Variants in EDA observed in about 807,000 individuals in gnomAD.
EDA encodes the protein ectodysplasin A.
A neutral mutation model predicts 23.6 loss-of-function variants in EDA; 2 were observed. The observed-to-expected ratio is 0.08, with a 90% CI of 0.03 to 0.27. EDA has a LOEUF of 0.27. Ranked by LOEUF, EDA falls within the 10% of genes least tolerant of loss-of-function variation. EDA has a pLI of 1.00. For synonymous variants in EDA, 131 were observed against 132.0 expected (o/e 0.99, Z 0.05); for missense variants, 229 against 324.2 (o/e 0.71, Z 2.26).
intron 1 of EDA, among the ~76,000 whole-genome samples, chrX:69,911,553 T>C (rs2018266535): frequency 8.9e-6 from 1 of 111,951 alleles, no homozygotes; most frequent in Non-Finnish European, 1.9e-5. Context: ...CTTTTTCTTT[T>C]ATCCAGAGTT....
chrX:69,873,868 C>T (rs1470529615), intron 1 of EDA, among the ~76,000 whole-genome samples: 1 of 111,832 alleles, frequency 8.9e-6, no homozygotes, highest in East Asian at 2.8e-4. Flanking sequence ...CAGCAAAGGA[C>T]ATAACAAAAC....
chrX:69,786,130 A>G (rs879213710), intron 1 of EDA, among the ~76,000 whole-genome samples: 5 of 109,910 alleles, frequency 4.5e-5, no homozygotes, highest in African/African-American at 1.3e-4. Context: ...CTGTGGGATC[A>G]GTGGTGATAT....
intron 1 of EDA, among the ~76,000 whole-genome samples, chrX:69,792,712 G>A (rs1020592739): frequency 5.4e-5 from 6 of 111,894 alleles, no homozygotes; most frequent in Admixed American, 9.5e-5. Flanking sequence ...TGCATTTCCC[G>A]GATAATTAGT....
chrX:70,029,883 C>T (rs1052554008), intron 5 of EDA, among the ~76,000 whole-genome samples: 10 of 112,321 alleles, frequency 8.9e-5, no homozygotes, highest in African/African-American at 1.3e-4. Flanking sequence ...GACACCTTGC[C>T]GGCTCTCAGA....
At chrX:69,790,138 A>G (rs951891025) in intron 1 of EDA, among the ~76,000 whole-genome samples, 1 of 111,724 alleles carries the variant, frequency 9.0e-6, no homozygotes, top group Non-Finnish European at 1.9e-5. Context: ...GAATGAAAAT[A>G]TATAAAGGAA....
chrX:69,712,431 A>T (rs1006759910), intron 1 of EDA, among the ~76,000 whole-genome samples: 1 of 111,900 alleles, frequency 8.9e-6, no homozygotes, highest in Admixed American at 9.5e-5. Flanking sequence ...AAAAGAAGAC[A>T]TTTATGCAGC....
intron 1 of EDA, among the ~76,000 whole-genome samples, chrX:69,804,013 G>A (rs2015757123): frequency 9.0e-6 from 1 of 110,679 alleles, no homozygotes; most frequent in African/African-American, 3.3e-5. Flanking sequence ...TGGATGAGTA[G>A]TATTCCATTG....
chrX:69,896,346 C>A lies in EDA; in HGVS notation c.397-60681C>A, dbSNP rs761660602. On this transcript the variant is annotated intron_variant, in intron 1 of 7. Transcript: ENST00000374552. ...GACATCTTGGTCTGCCAGTTGGCTTCTTTTTCAATGGCTGTATACTGGGAT... is the reference window on the plus strand; with the variant it reads ...GACATCTTGGTCTGCCAGTTGGCTTATTTTTCAATGGCTGTATACTGGGAT... Among the ~76,000 whole-genome samples, 3 of 109,579 alleles carry A rather than the reference C, an allele frequency of 2.7e-5. No individual in the cohort carries two copies. In the East Asian group the frequency reaches 8.7e-4, roughly 32 times the overall value.
chrX:69,955,865 G>A (rs2018992735), intron 1 of EDA, among the ~76,000 whole-genome samples: 1 of 111,750 alleles, frequency 8.9e-6, no homozygotes, highest in African/African-American at 3.3e-5. Context: ...TCCTACTACC[G>A]TGTTTACTGT....
intron 1 of EDA, among the ~76,000 whole-genome samples, chrX:69,624,947 A>G (rs1360346840): frequency 1.8e-5 from 2 of 110,953 alleles, no homozygotes; most frequent in Non-Finnish European, 3.8e-5. Flanking sequence ...CTTCAAACAT[A>G]TATCATTTAT....
chrX:69,893,222 C>G (rs1274891786), intron 1 of EDA, among the ~76,000 whole-genome samples: 1 of 111,121 alleles, frequency 9.0e-6, no homozygotes, highest in Non-Finnish European at 1.9e-5. Flanking sequence ...ATCTGTGTGT[C>G]TCAAATCCTC....
chrX:69,616,136 A>T lies in EDA; in HGVS notation c.-173A>T. ...CTCCCTTTCCCACCCCTCGGAGTAG[A>T]GCTGCACATGCGGCTGCTCCCTGCT... is the stretch of plus-strand genomic sequence containing the variant. On this transcript the variant is annotated 5_prime_UTR_variant, in exon 1 of 8. Transcript: ENST00000374552. 4.9e-6 allele frequency: 2 copies of T among 406,722 alleles called. No individual in the cohort carries two copies. Among genetic ancestry groups the T allele is most frequent in the African/African-American group, 2.5e-5 (1 of 39,862 alleles). 33.5% of individuals were successfully genotyped at this position (406,722 alleles called of 1,213,427 possible). A position where few individuals can be genotyped will look rare whatever the true frequency, so the allele number is the denominator to read the frequency against.
chrX:69,701,084 G>T (rs2011521132), intron 1 of EDA, among the ~76,000 whole-genome samples: 1 of 111,528 alleles, frequency 9.0e-6, no homozygotes, highest in South Asian at 3.7e-4. Flanking sequence ...GAAAAATTAG[G>T]TAAAGCAGAG....
rs773047210 is a variant in EDA, at chrX:69,710,268, T to G, written c.396+93564T>G. ...TTAAATAGGGAATCCTTTCCCCATT[T>G]CTTGTTTTTGTCAGGTTTGTCAAAG... On this transcript the variant is annotated intron_variant, in intron 1 of 7. Transcript: ENST00000374552. Among the ~76,000 whole-genome samples, 330 of 110,563 alleles carry G rather than the reference T, an allele frequency of 3.0e-3. 3 individuals are homozygous for G. The highest frequency in any genetic ancestry group is 8.9e-3 in the African/African-American group (271 of 30,467).
intron 1 of EDA, among the ~76,000 whole-genome samples, chrX:69,643,961 G>A (rs781105932): frequency 9.0e-6 from 1 of 111,092 alleles, no homozygotes; most frequent in African/African-American, 3.3e-5. Context: ...TGTTCCATTG[G>A]TCTATGTGTC....
intron 1 of EDA, among the ~76,000 whole-genome samples, chrX:69,827,284 T>C (rs1327560652): frequency 8.9e-6 from 1 of 111,942 alleles, no homozygotes; most frequent in Non-Finnish European, 1.9e-5. Flanking sequence ...GGATAATATC[T>C]TGCAGACTGT....
chrX:69,789,298 C>T (rs948421365), intron 1 of EDA, among the ~76,000 whole-genome samples: 3 of 112,152 alleles, frequency 2.7e-5, no homozygotes, highest in African/African-American at 3.2e-5. Context: ...TGTTCCTATT[C>T]GGCCATCTTG....
chrX:70,007,646 A>G (rs957621108), intron 2 of EDA, among the ~76,000 whole-genome samples: 2 of 111,194 alleles, frequency 1.8e-5, no homozygotes, highest in African/African-American at 6.6e-5. Context: ...AAAATGGACT[A>G]ATGCAGATCT....
At chrX:69,646,262 C>A (rs1243357634) in intron 1 of EDA, among the ~76,000 whole-genome samples, 1 of 111,257 alleles carries the variant, frequency 9.0e-6, no homozygotes, top group Non-Finnish European at 1.9e-5. Flanking sequence ...GATGATCTGT[C>A]TAATATTGCC....
Sources: allele counts gnomAD v4.1 joint callset (sites outside exome capture counted in the v4.1 genomes callset), GRCh38; gene constraint gnomAD v4.1.1; transcripts MANE v1.5; gene names NCBI Gene and HGNC (gene_info 2026-07-23, HGNC 2026-07-21).